Variants in S100A13 observed in about 807,000 individuals in gnomAD.
S100A13 encodes S100 calcium binding protein A13.
S100A13 carries 6 observed loss-of-function variants against 8.2 expected under a neutral mutation model. That is an observed-to-expected ratio of 0.73 (90% CI 0.40 to 1.44). The LOEUF (loss-of-function observed/expected upper bound fraction) is 1.44, where lower values mean the gene tolerates loss of function less well. Ranked by LOEUF, S100A13 falls within the 40% of genes most tolerant of loss-of-function variation. S100A13 has a pLI of 0.02. For missense variants in S100A13, 114 were observed against 113.6 expected (o/e 1.00, Z -0.02); for synonymous variants, 39 against 45.9 (o/e 0.85, Z 0.61).
At position 153,626,408 on chromosome 1, in the gene S100A13, G is replaced by T; in HGVS notation, c.65C>A (p.Thr22Asn). ...CTTCCGGCCCTCCTGCCTTGCAAAG[G>T]TGAAGAAGGTGGTGACCACGGTCTC... The part of the protein sequence containing the change: ...SIETVVTTFF[T>N]FARQEGRKDS... Residue 22 changes from threonine (T) to asparagine (N), a missense_variant, in exon 2 of 3, where the codon ACC becomes AAC. Physicochemically the swap from Thr to Asn is moderately conservative, Grantham distance 65 (BLOSUM62 0). Coordinates refer to ENST00000476133, the MANE Select transcript of S100A13 (RefSeq NM_001024211.2). The T allele has an allele frequency of 6.2e-7, 1 of 1,614,192 alleles. No individual in the cohort carries two copies.
At chr1:153,631,706 G>A (rs1351676941), upstream of S100A13, 1 of 1,614,170 alleles carries the variant, frequency 6.2e-7, no homozygotes, top group East Asian at 2.2e-5. Flanking sequence ...AGGCCCAGAA[G>A]GATGTGGATG....
chr1:153,630,155 C>T (rs1571300721), upstream of S100A13: 1 of 393,528 alleles, frequency 2.5e-6, no homozygotes, highest in East Asian at 3.8e-5. Context: ...TGGCCCAGTC[C>T]TGTGACCACC....
chr1:153,619,274 G>A (rs1667084192), intron 2 of S100A13, among the ~76,000 whole-genome samples: 1 of 152,168 alleles, frequency 6.6e-6, no homozygotes. Context: ...TTGCCGTTGT[G>A]TAAATACTTC....
chr1:153,627,902 C>A, upstream of S100A13: 1 of 877,630 alleles, frequency 1.1e-6, no homozygotes, highest in Non-Finnish European at 1.7e-6. Context: ...TGAGATCCCA[C>A]AAAGGATGCT....
chr1:153,628,605 G>A, upstream of S100A13: 1 of 1,468,130 alleles, frequency 6.8e-7, no homozygotes, highest in Non-Finnish European at 9.1e-7. Context: ...GAGCACTGAG[G>A]ATCTGGGAGG....
intron 1 of S100A13, 22 bp from the exon 2 acceptor site, chr1:153,626,555 G>C (rs988382578): frequency 8.4e-6 from 12 of 1,431,110 alleles, no homozygotes; most frequent in Admixed American, 1.8e-5. Context: ...AGAAGGAGCA[G>C]AGAGGGAGAG....
chr1:153,621,761 G>A (rs184058804), intron 2 of S100A13, among the ~76,000 whole-genome samples: 76 of 151,694 alleles, frequency 5.0e-4, no homozygotes, highest in African/African-American at 1.4e-3. Flanking sequence ...GGTGATGCAC[G>A]GTTCAAGAAT....
chr1:153,630,920 A>G, upstream of S100A13: 1 of 493,014 alleles, frequency 2.0e-6, no homozygotes, highest in Admixed American at 3.6e-5. Flanking sequence ...CTTAGAAGGG[A>G]AAGATTGACA....
upstream of S100A13, chr1:153,628,384 G>C (rs1387263614): frequency 1.9e-6 from 3 of 1,548,330 alleles, no homozygotes; most frequent in Admixed American, 5.9e-5. Context: ...CGGTGGGGGG[G>C]TCAGCGGGGG....
upstream of S100A13, chr1:153,630,867 G>C: frequency 1.7e-6 from 1 of 604,570 alleles, no homozygotes; most frequent in Non-Finnish European, 2.9e-6. Context: ...CACCTGTTAA[G>C]TGTTAGGCCC....
At position 153,618,938 on chromosome 1, in the gene S100A13, T is replaced by C. The variant is rs1479461239; in HGVS notation, c.254A>G (p.Lys85Arg). The C allele has an allele frequency of 6.2e-7, 1 of 1,614,098 alleles. No homozygotes were observed. The highest frequency in any genetic ancestry group is 1.1e-5 in the South Asian group (1 of 91,078). ...EYWRLIGELAKEIRKKKDLKI... is the reference protein window; with the variant it reads ...EYWRLIGELAREIRKKKDLKI... ...CAGGTCTTTCTTCTTCCTGATTTCC[T>C]TGGCCAGCTCCCCAATCAATCTCCA... Residue 85 changes from lysine (K) to arginine (R), a missense_variant, in exon 3 of 3, where the codon AAG becomes AGG. Coordinates refer to ENST00000476133, the MANE Select transcript of S100A13 (RefSeq NM_001024211.2).
chr1:153,620,294 G>GA lies in S100A13; in HGVS notation c.154-1257dup, dbSNP rs200619970. Among the ~76,000 whole-genome samples the GA allele has an allele frequency of 1.5e-3, 225 of 149,080 alleles. 1 individual carries two copies. In the East Asian group the frequency reaches 0.032, roughly 21 times the overall value. On this transcript the variant is annotated intron_variant, in intron 2 of 2. Transcript: ENST00000476133. ...AGAGTGGGACTCTGTCTCAAAAAAA[G>GA]AAAAAAAAATACAAAAATTAGCTCG...
upstream of S100A13, chr1:153,629,542 G>A (rs1667888379): frequency 6.6e-6 from 1 of 152,386 alleles, no homozygotes; most frequent in African/African-American, 2.4e-5. Flanking sequence ...CGGCTTGGCA[G>A]TCTTCTCTCT....
chr1:153,626,331 G>A lies in S100A13; in HGVS notation c.142C>T (p.His48Tyr), dbSNP rs770083487. 1.2e-6 allele frequency: 2 copies of A among 1,614,058 alleles called. No individual in the cohort carries two copies. The highest frequency in any genetic ancestry group is 2.2e-5 in the East Asian group (1 of 44,884). The part of the protein sequence containing the change: ...FKELVTQQLP[H>Y]LLKDVGSLDE... ...AGACTTCTGCCTACCTTGAGCAGATGGGGCAACTGCTGGGTAACCAGCTCT... is the reference window on the plus strand; with the variant it reads ...AGACTTCTGCCTACCTTGAGCAGATAGGGCAACTGCTGGGTAACCAGCTCT... Residue 48 changes from histidine to tyrosine, a missense_variant, in exon 2 of 3, where the codon CAT becomes TAT. By Grantham distance (83) the His-to-Tyr change is moderately conservative. Coordinates refer to ENST00000476133, the MANE Select transcript of S100A13 (RefSeq NM_001024211.2).
At chr1:153,628,527 T>C, upstream of S100A13, 4 of 1,549,982 alleles carry the variant, frequency 2.6e-6, no homozygotes, top group Non-Finnish European at 3.5e-6. Context: ...GGCTAGTCCC[T>C]GGCCTGCCAG....
intron 1 of S100A13, chr1:153,626,774 G>A: frequency 3.4e-6 from 1 of 297,244 alleles, no homozygotes. Flanking sequence ...CACAATCCGG[G>A]ATCCTTTTTA....
upstream of S100A13, chr1:153,630,344 T>C: frequency 1.2e-6 from 1 of 847,458 alleles, no homozygotes; most frequent in South Asian, 1.9e-5. Context: ...TCTCTTGGGG[T>C]TTCCCTCACA....
At chr1:153,628,676 G>T, upstream of S100A13, 1 of 1,082,900 alleles carries the variant, frequency 9.2e-7, no homozygotes, top group Non-Finnish European at 1.3e-6. Context: ...AGGTGGTGAT[G>T]AGAGACAAAT....
At position 153,619,967 on chromosome 1, in the gene S100A13, G is replaced by A. The variant is rs190425963; in HGVS notation, c.154-929C>T. Among the ~76,000 whole-genome samples, 135 of 152,324 alleles carry A rather than the reference G, an allele frequency of 8.9e-4. 2 individuals carry two copies. In the South Asian group the frequency reaches 0.013, roughly 14 times the overall value. ...ATTATATTGGGGGTGCATTCAATCA[G>A]TAAAGAGAAATAAATAAGTATTAAG... On this transcript the variant is annotated intron_variant, in intron 2 of 2. Transcript: ENST00000476133.
Sources: gnomAD v4.1 joint callset for allele counts (sites outside exome capture counted in the v4.1 genomes callset) on GRCh38, gnomAD v4.1.1 for gene constraint, MANE v1.5 for transcripts, NCBI Gene and HGNC (gene_info 2026-07-23, HGNC 2026-07-21) for gene names.